Variants in CAV1 observed in about 807,000 individuals in gnomAD.
The protein encoded by CAV1 is caveolin-1.
In CAV1, 10 loss-of-function variants were observed where a neutral mutation model predicts 16.5. That is an observed-to-expected ratio of 0.61 (90% CI 0.37 to 1.03). The LOEUF (loss-of-function observed/expected upper bound fraction) is 1.03, where lower values mean the gene tolerates loss of function less well. Ranked by LOEUF, CAV1 falls within the 50% of genes least tolerant of loss-of-function variation. CAV1 has a pLI of 0.01. For synonymous variants in CAV1, 76 were observed against 85.1 expected (o/e 0.89, Z 0.59); for missense variants, 212 against 232.8 (o/e 0.91, Z 0.58).
intron 2 of CAV1, among the ~76,000 whole-genome samples, chr7:116,555,604 GA>G (rs1562838730): frequency 4.4e-4 from 32 of 73,460 alleles, no homozygotes; most frequent in African/African-American, 1.5e-3. Flanking sequence ...AAGAAAGAAA[GA>G]GAAAGAAAGA....
chr7:116,555,598 A>AGAGAGAGAG (rs1794274972), intron 2 of CAV1, among the ~76,000 whole-genome samples: 1 of 100,176 alleles, frequency 1.0e-5, no homozygotes, highest in Non-Finnish European at 2.1e-5. Flanking sequence ...GAAAGAAAGA[A>AGAGAGAGAG]AGAAAGAGAA....
chr7:116,544,852 C>G (rs1018065311), intron 2 of CAV1, among the ~76,000 whole-genome samples: 1 of 152,152 alleles, frequency 6.6e-6, no homozygotes, highest in African/African-American at 2.4e-5. Flanking sequence ...CTGAGTGAGC[C>G]TGAGAAGCCA....
chr7:116,558,996 C>A lies in CAV1; in HGVS notation c.246C>A (p.Asp82Glu). The change falls in exon 3 of 3, where the codon GAC (aspartate) becomes GAA (glutamate). Residue 82 changes from aspartate (D) to glutamate (E), a missense_variant. Asp to Glu is a conservative substitution (Grantham distance 45). Coordinates refer to ENST00000341049, the MANE Select transcript of CAV1 (RefSeq NM_001753.5). Reference sequence around the variant, plus strand: ...AACCAGAAGGGACACACAGTTTTGACGGCATTTGGAAGGCCAGCTTCACCA... The same window carrying A: ...AACCAGAAGGGACACACAGTTTTGAAGGCATTTGGAAGGCCAGCTTCACCA... The part of the protein sequence containing the change: ...IAEPEGTHSF[D>E]GIWKASFTTF... 1.9e-6 allele frequency: 3 copies of A among 1,613,814 alleles called. No individual in the cohort carries two copies. The highest frequency in any genetic ancestry group is 8.5e-7 in the Non-Finnish European group (1 of 1,179,876).
At chr7:116,535,336 G>A (rs767457955) in intron 2 of CAV1, among the ~76,000 whole-genome samples, 21 of 152,070 alleles carry the variant, frequency 1.4e-4, no homozygotes, top group African/African-American at 3.6e-4. Flanking sequence ...AATGTCACTC[G>A]TCTGCTGTCT....
Position 116,555,607 on chromosome 7 carries a change from A to AG in CAV1, c.196-3339_196-3338insG, listed in dbSNP as rs1584785843. 2.2e-5 allele frequency among the ~76,000 whole-genome samples: 3 copies of AG among 134,080 alleles called. No homozygotes were observed. In the East Asian group the frequency reaches 6.5e-4, roughly 29 times the overall value. 88.0% of individuals were successfully genotyped at this position (134,080 alleles called of 152,430 possible). Reference sequence around the variant, plus strand: ...AAGAAAGAAAGAAAGAAAGAAAGAGAAAGAAAGAAAGAAGGGAGGGAGGGA... The same window carrying AG: ...AAGAAAGAAAGAAAGAAAGAAAGAGAGAAGAAAGAAAGAAGGGAGGGAGGGA... On this transcript the variant is annotated intron_variant, in intron 2 of 2. Coordinates refer to ENST00000341049, the MANE Select transcript of CAV1 (RefSeq NM_001753.5).
chr7:116,555,542 G>GAGAGAGAGAAAGAAAGAAAGAA (rs1478856618), intron 2 of CAV1, among the ~76,000 whole-genome samples: 1 of 12,144 alleles, frequency 8.2e-5, no homozygotes. Flanking sequence ...GAGAGAGAGA[G>GAGAGAGAGAAAGAAAGAAAGAA]AGAAAGAAAG....
chr7:116,528,805 C>G (rs1490045331), intron 2 of CAV1, among the ~76,000 whole-genome samples: 1 of 151,836 alleles, frequency 6.6e-6, no homozygotes, highest in African/African-American at 2.4e-5. Context: ...ACAACATAGA[C>G]TTTTTTTATT....
At chr7:116,548,469 T>C (rs1794096964) in intron 2 of CAV1, among the ~76,000 whole-genome samples, 1 of 152,188 alleles carries the variant, frequency 6.6e-6, no homozygotes, top group African/African-American at 2.4e-5. Context: ...CAGCCAGCTA[T>C]ATCCTCTTGC....
chr7:116,557,184 T>C (rs1794309165), intron 2 of CAV1, among the ~76,000 whole-genome samples: 1 of 152,232 alleles, frequency 6.6e-6, no homozygotes, highest in Non-Finnish European at 1.5e-5. Flanking sequence ...TACATAATTG[T>C]GGCCATGCCG....
At position 116,529,035 on chromosome 7, in the gene CAV1, G is replaced by A. The variant is rs1384995426; in HGVS notation, c.195+2346G>A. ...AGTGGAGACGGGGTTTCACCATGTT[G>A]GCCAGGCTGGTCTTGAACTCCTGAC... On this transcript the variant is annotated intron_variant, in intron 2 of 2. Coordinates refer to ENST00000341049, the MANE Select transcript of CAV1 (RefSeq NM_001753.5). Among the ~76,000 whole-genome samples the A allele has an allele frequency of 4.6e-5, 7 of 152,002 alleles. No homozygotes were observed. In the East Asian group the frequency reaches 1.4e-3, roughly 29 times the overall value.
rs1402876529 is a variant in CAV1 at position 116,555,544 on chromosome 7, GAAAGAA to G, written c.196-3400_196-3395del. Among the ~76,000 whole-genome samples, 59 of 20,990 alleles carry G rather than the reference GAAAGAA, an allele frequency of 2.8e-3. 1 individual carries two copies. The highest frequency in any genetic ancestry group is 4.6e-3 in the African/African-American group (30 of 6,484). 13.8% of individuals were successfully genotyped at this position (20,990 alleles called of 152,430 possible). A position where few individuals can be genotyped will look rare whatever the true frequency, so the allele number is the denominator to read the frequency against. ...AGAGAGAGAGAGAGAGAGAGAGAGA[GAAAGAA>G]AGAAAGAAAGAAAGAAAGAAAGAAA... On this transcript the variant is annotated intron_variant, in intron 2 of 2. Transcript: ENST00000341049.
intron 2 of CAV1, among the ~76,000 whole-genome samples, chr7:116,540,659 A>G (rs776352388): frequency 6.6e-6 from 1 of 152,226 alleles, no homozygotes; most frequent in Non-Finnish European, 1.5e-5. Flanking sequence ...AATTGCAATG[A>G]TCTTGTTAAC....
At chr7:116,549,525 C>A (rs1794116624) in intron 2 of CAV1, among the ~76,000 whole-genome samples, 2 of 151,958 alleles carry the variant, frequency 1.3e-5, no homozygotes, top group Admixed American at 1.3e-4. Context: ...ATAAGAAAAT[C>A]ATTTAAAATA....
chr7:116,530,840 A>G (rs576990995), intron 2 of CAV1, among the ~76,000 whole-genome samples: 3 of 152,332 alleles, frequency 2.0e-5, no homozygotes, highest in Non-Finnish European at 4.4e-5. Context: ...ACAGCCATAA[A>G]TGACTGCAAG....
intron 2 of CAV1, 123 bp downstream of exon 2, chr7:116,526,812 AC>A: frequency 9.2e-7 from 1 of 1,084,680 alleles, no homozygotes. Flanking sequence ...GCGCACACAC[AC>A]ACACACACAG....
At position 116,526,644 on chromosome 7, in the gene CAV1, C is replaced by G; in HGVS notation, c.150C>G (p.Asp50Glu). The G allele has an allele frequency of 6.2e-7, 1 of 1,614,132 alleles. No individual in the cohort carries two copies. Among genetic ancestry groups the G allele is most frequent in the South Asian group, 1.1e-5 (1 of 91,076 alleles). ...ACGACGCGCACACCAAGGAGATCGACCTGGTCAACCGCGACCCTAAACACC... is the reference window on the plus strand; with the variant it reads ...ACGACGCGCACACCAAGGAGATCGAGCTGGTCAACCGCGACCCTAAACACC... ...QVYDAHTKEI[D>E]LVNRDPKHLN... The change falls in exon 2 of 3, where the codon GAC (aspartate) becomes GAG (glutamate). Residue 50 changes from aspartate to glutamate, a missense_variant. By Grantham distance (45) the Asp-to-Glu change is conservative. Coordinates refer to ENST00000341049, the MANE Select transcript of CAV1 (RefSeq NM_001753.5).
intron 2 of CAV1, among the ~76,000 whole-genome samples, chr7:116,532,398 G>A (rs1430234258): frequency 6.6e-6 from 1 of 152,170 alleles, no homozygotes; most frequent in Non-Finnish European, 1.5e-5. Context: ...GAAACAGCTG[G>A]TCTCTAAGAG....
At chr7:116,542,805 T>C in intron 2 of CAV1, 1 of 152,116 alleles carries the variant, frequency 6.6e-6, no homozygotes, top group Non-Finnish European at 1.5e-5. Context: ...ATCATCCCCC[T>C]CCCCCTTTTC....
Position 116,526,605 on chromosome 7 carries a change from C to A in CAV1, c.111C>A (p.Ser37Arg). ...ACAAGGCCATGGCAGACGAGCTGAG[C>A]GAGAAGCAAGTGTACGACGCGCACA... ...PNNKAMADEL[S>R]EKQVYDAHTK... Residue 37 changes from serine to arginine, a missense_variant, in exon 2 of 3, where the codon AGC (serine) becomes AGA (arginine). Ser to Arg is a moderately radical substitution (Grantham distance 110). Coordinates refer to ENST00000341049, the MANE Select transcript of CAV1 (RefSeq NM_001753.5). 6.2e-7 allele frequency: 1 copy of A among 1,614,126 alleles called. No homozygotes were observed.
Sources: gnomAD v4.1 joint callset for allele counts (sites outside exome capture counted in the v4.1 genomes callset) on GRCh38, gnomAD v4.1.1 for gene constraint, MANE v1.5 for transcripts, NCBI Gene and HGNC (gene_info 2026-07-23, HGNC 2026-07-21) for gene names.